Variants in TAFA1 observed in about 807,000 individuals in gnomAD.
The protein encoded by TAFA1 is chemokine-like protein TAFA-1.
In TAFA1, 4 loss-of-function variants were observed where a neutral mutation model predicts 18.5. That is an observed-to-expected ratio of 0.22 (90% confidence interval 0.11 to 0.49). The LOEUF (loss-of-function observed/expected upper bound fraction) is 0.49, where lower values mean the gene tolerates loss of function less well. TAFA1 is among the 20% of genes least tolerant of loss of function. TAFA1 has a pLI of 0.98. For synonymous variants in TAFA1, 56 were observed against 55.2 expected (o/e 1.01, Z -0.06); for missense variants, 147 against 169.0 (o/e 0.87, Z 0.72).
intron 3 of TAFA1, among the ~76,000 whole-genome samples, chr3:68,492,045 G>A (rs17243078): frequency 0.19 from 29,421 of 152,000 alleles, 2,966 homozygotes; most frequent in Non-Finnish European, 0.21. Flanking sequence ...CTTAGTCTAC[G>A]TACAAGCAGT....
At chr3:68,255,101 A>T (rs1264276570) in intron 2 of TAFA1, among the ~76,000 whole-genome samples, 1 of 152,196 alleles carries the variant, frequency 6.6e-6, no homozygotes, top group Non-Finnish European at 1.5e-5. Context: ...TACATCAAAT[A>T]AGGGCTAGTG....
chr3:68,056,457 G>A (rs1440550358), intron 2 of TAFA1, among the ~76,000 whole-genome samples: 1 of 152,168 alleles, frequency 6.6e-6, no homozygotes, highest in Non-Finnish European at 1.5e-5. Flanking sequence ...GGTCACCCAA[G>A]TTTCAACTGT....
At chr3:68,076,384 G>C (rs1352164605) in intron 2 of TAFA1, among the ~76,000 whole-genome samples, 1 of 151,184 alleles carries the variant, frequency 6.6e-6, no homozygotes, top group African/African-American at 2.4e-5. Context: ...GTATACATGT[G>C]CCATGCTGGT....
chr3:68,134,619 A>C (rs2065585270), intron 2 of TAFA1, among the ~76,000 whole-genome samples: 2 of 152,200 alleles, frequency 1.3e-5, no homozygotes, highest in Admixed American at 1.3e-4. Context: ...GCTTTAAAAA[A>C]AGCTGACATC....
At chr3:68,509,992 A>G (rs2072821382) in intron 3 of TAFA1, among the ~76,000 whole-genome samples, 2 of 152,072 alleles carry the variant, frequency 1.3e-5, no homozygotes, top group African/African-American at 4.8e-5. Context: ...CCCAATTTTA[A>G]GTCCCCATTG....
At chr3:68,169,310 G>C (rs554390995) in intron 2 of TAFA1, among the ~76,000 whole-genome samples, 8 of 152,330 alleles carry the variant, frequency 5.3e-5, no homozygotes, top group Non-Finnish European at 8.8e-5. Flanking sequence ...CAAGTTGAGA[G>C]GAACTGAGGC....
At chr3:68,171,971 A>T (rs1379776297) in intron 2 of TAFA1, among the ~76,000 whole-genome samples, 2 of 152,160 alleles carry the variant, frequency 1.3e-5, no homozygotes, top group African/African-American at 4.8e-5. Context: ...TTAGGATCCC[A>T]TCAAGTGTAC....
chr3:68,054,390 C>T (rs2064508292), intron 2 of TAFA1, among the ~76,000 whole-genome samples: 1 of 152,190 alleles, frequency 6.6e-6, no homozygotes, highest in African/African-American at 2.4e-5. Context: ...TTCACTCCAG[C>T]TCCCCTTCAC....
intron 3 of TAFA1, among the ~76,000 whole-genome samples, chr3:68,423,544 A>T (rs2070998089): frequency 6.6e-6 from 1 of 152,156 alleles, no homozygotes; most frequent in South Asian, 2.1e-4. Flanking sequence ...GGATACTTAC[A>T]GAAACACCCA....
intron 2 of TAFA1, among the ~76,000 whole-genome samples, chr3:68,108,326 G>T (rs1480991690): frequency 2.6e-5 from 4 of 151,934 alleles, no homozygotes; most frequent in African/African-American, 9.7e-5. Context: ...TGCATCAATG[G>T]TCCCAAGACA....
rs7428031 is a variant in TAFA1, at chr3:68,052,423, A to T, written c.118+45679A>T. Among the ~76,000 whole-genome samples, 1,380 of 152,230 alleles carry T rather than the reference A, an allele frequency of 9.1e-3. 22 individuals carry two copies. The highest frequency in any genetic ancestry group is 0.032 in the African/African-American group (1,321 of 41,550). On this transcript the variant is annotated intron_variant, in intron 2 of 4. Coordinates refer to ENST00000478136, the MANE Select transcript of TAFA1 (RefSeq NM_213609.4). ...CTCTGAGTCCTCCAATGTCCTCACA[A>T]TGTTTTTAAATCCTCCTCTAACCCA...
At chr3:68,210,577 C>G (rs1026703264) in intron 2 of TAFA1, among the ~76,000 whole-genome samples, 3 of 152,028 alleles carry the variant, frequency 2.0e-5, no homozygotes, top group Admixed American at 6.6e-5. Flanking sequence ...CACAATGTCT[C>G]AATTTCTCAG....
At chr3:68,061,755 G>A (rs1464022317) in intron 2 of TAFA1, among the ~76,000 whole-genome samples, 1 of 152,122 alleles carries the variant, frequency 6.6e-6, no homozygotes, top group Non-Finnish European at 1.5e-5. Context: ...GACGATTAAA[G>A]GTACATTATG....
intron 3 of TAFA1, among the ~76,000 whole-genome samples, chr3:68,460,170 G>A (rs182796961): frequency 8.5e-4 from 129 of 152,170 alleles, no homozygotes; most frequent in African/African-American, 2.8e-3. Flanking sequence ...CTGAAAATTG[G>A]CTATAGGTGG....
At chr3:68,411,898 G>A (rs1300658074) in intron 2 of TAFA1, among the ~76,000 whole-genome samples, 1 of 152,088 alleles carries the variant, frequency 6.6e-6, no homozygotes, top group Non-Finnish European at 1.5e-5. Context: ...GTAAACTTTG[G>A]GAATGAGATT....
chr3:68,092,314 A>G (rs774041742), intron 2 of TAFA1, among the ~76,000 whole-genome samples: 5 of 152,282 alleles, frequency 3.3e-5, no homozygotes, highest in Non-Finnish European at 5.9e-5. Flanking sequence ...CAAAATGTAA[A>G]TATACCTGAA....
chr3:68,532,360 A>C (rs2073200838), intron 3 of TAFA1, among the ~76,000 whole-genome samples: 1 of 152,220 alleles, frequency 6.6e-6, no homozygotes, highest in Non-Finnish European at 1.5e-5. Flanking sequence ...TCTCAGAAAG[A>C]ATAAATGGTA....
chr3:68,453,429 C>A (rs1014524297), intron 3 of TAFA1, among the ~76,000 whole-genome samples: 8 of 152,198 alleles, frequency 5.3e-5, no homozygotes, highest in Non-Finnish European at 1.2e-4. Flanking sequence ...CTATCCTCAG[C>A]AAGTCTGGAG....
At chr3:68,291,198 C>G (rs148581647) in intron 2 of TAFA1, among the ~76,000 whole-genome samples, 1 of 152,102 alleles carries the variant, frequency 6.6e-6, no homozygotes, top group Non-Finnish European at 1.5e-5. Flanking sequence ...AACTTCAGCT[C>G]ACATTAAAGT....
Sources: allele counts gnomAD v4.1 joint callset (sites outside exome capture counted in the v4.1 genomes callset), GRCh38; gene constraint gnomAD v4.1.1; transcripts MANE v1.5; gene names NCBI Gene and HGNC (gene_info 2026-07-23, HGNC 2026-07-21).